Variants in NALCN observed in about 807,000 individuals in gnomAD.
NALCN encodes the protein sodium leak channel NALCN.
NALCN carries 111 observed loss-of-function variants against 225.3 expected under a neutral mutation model. The observed-to-expected ratio is 0.49, with a 90% CI of 0.42 to 0.58. NALCN has a LOEUF of 0.58. NALCN is among the 20% of genes least tolerant of loss of function. NALCN has a pLI of 0.00. For synonymous variants in NALCN, 764 were observed against 769.0 expected, an observed-to-expected ratio of 0.99 and a Z score of 0.11; for missense variants, 1,378 against 2,202.4, an observed-to-expected ratio of 0.63 and a Z score of 7.49.
chr13:101,377,178 T>A, intron 4 of NALCN, 122 bp from the exon 5 acceptor site: 1 of 1,224,742 alleles, frequency 8.2e-7, no homozygotes, highest in Non-Finnish European at 1.1e-6. Context: ...AGCCATACAT[T>A]ATTTTCCACC....
intron 6 of NALCN, chr13:101,372,963 T>A (rs928431835): frequency 2.1e-5 from 5 of 233,372 alleles, no homozygotes; most frequent in South Asian, 4.8e-5. Flanking sequence ...GTACAAATTA[T>A]CAATGTCAGG....
chr13:101,115,007 G>A (rs1355710431), intron 18 of NALCN, among the ~76,000 whole-genome samples: 1 of 152,106 alleles, frequency 6.6e-6, no homozygotes, highest in African/African-American at 2.4e-5. Flanking sequence ...TTATTTCTCA[G>A]CTCTTATCCA....
Position 101,081,525 on chromosome 13 carries a change from A to G in NALCN, c.3885+2T>C. 1 of 1,614,102 alleles carries G rather than the reference A, an allele frequency of 6.2e-7. No individual in the cohort carries two copies. Among genetic ancestry groups the G allele is most frequent in the Non-Finnish European group, 8.5e-7 (1 of 1,179,998 alleles). On this transcript the variant is annotated splice_donor_variant, in intron 34 of 43. Transcript: ENST00000251127. LOFTEE classifies it high-confidence loss of function. ...TGAAATCAACTTGACTTCTATGCTTACCAGGAGGGCAAAGTGAAGCACCAC... is the reference window on the plus strand; with the variant it reads ...TGAAATCAACTTGACTTCTATGCTTGCCAGGAGGGCAAAGTGAAGCACCAC...
intron 15 of NALCN, among the ~76,000 whole-genome samples, chr13:101,146,887 A>C (rs2037374723): frequency 6.6e-6 from 1 of 152,164 alleles, no homozygotes; most frequent in South Asian, 2.1e-4. Context: ...TGGCAGATAT[A>C]GGAACAGAGT....
At position 101,053,898 on chromosome 13, in the gene NALCN, A is replaced by G. The variant is rs1440702601; in HGVS notation, c.*1397T>C. ...GGTTGTTCTTTATCTCATAGTTACAATGAATCATATAAACTGTAGACTGCC... is the reference window on the plus strand; with the variant it reads ...GGTTGTTCTTTATCTCATAGTTACAGTGAATCATATAAACTGTAGACTGCC... On this transcript the variant is annotated 3_prime_UTR_variant, in exon 44 of 44. Coordinates refer to ENST00000251127, the MANE Select transcript of NALCN (RefSeq NM_052867.4). The G allele has an allele frequency of 5.9e-5, 9 of 152,210 alleles. No homozygotes were observed. The highest frequency in any genetic ancestry group is 5.2e-4 in the Admixed American group (8 of 15,290). The allele number at this position is 152,210 out of a possible 1,614,324, so 9.4% of individuals were successfully genotyped here. A position where few individuals can be genotyped will look rare whatever the true frequency, so the allele number is the denominator to read the frequency against.
At chr13:101,176,514 A>ATGT in intron 14 of NALCN, 140 bp from the exon 15 acceptor site, 2 of 447,282 alleles carry the variant, frequency 4.5e-6, no homozygotes, top group Non-Finnish European at 7.4e-6. Context: ...GAATCATTGC[A>ATGT]TAGGCATTTC....
chr13:101,294,063 G>T (rs2043646457), intron 7 of NALCN, among the ~76,000 whole-genome samples: 1 of 152,130 alleles, frequency 6.6e-6, no homozygotes, highest in Admixed American at 6.5e-5. Flanking sequence ...AAAGAAAAGT[G>T]AAGGTCACTG....
intron 13 of NALCN, among the ~76,000 whole-genome samples, chr13:101,203,530 T>C (rs2040205803): frequency 6.6e-6 from 1 of 152,244 alleles, no homozygotes; most frequent in Non-Finnish European, 1.5e-5. Flanking sequence ...AATTCCTGTG[T>C]ATTCTTTATG....
chr13:101,119,540 GT>G lies in NALCN; in HGVS notation c.2192+5067del, dbSNP rs2035871707. Among the ~76,000 whole-genome samples, 2 of 152,126 alleles carry G rather than the reference GT, an allele frequency of 1.3e-5. 1 individual carries two copies. The highest frequency in any genetic ancestry group is 4.1e-4 in the South Asian group (2 of 4,832). On this transcript the variant is annotated intron_variant, in intron 18 of 43. Coordinates refer to ENST00000251127, the MANE Select transcript of NALCN (RefSeq NM_052867.4). ...CTAAACTAATGTAAAATGTTTAATT[GT>G]TTTATTTTAACATTTCTCTATTCAT...
chr13:101,300,097 C>T (rs746758585), intron 7 of NALCN, among the ~76,000 whole-genome samples: 11 of 151,834 alleles, frequency 7.2e-5, no homozygotes, highest in African/African-American at 2.7e-4. Context: ...ACATTTGTCA[C>T]GGTGGCTGGA....
At chr13:101,088,806 C>A (rs569092620) in intron 30 of NALCN, among the ~76,000 whole-genome samples, 50 of 152,332 alleles carry the variant, frequency 3.3e-4, no homozygotes, top group African/African-American at 1.2e-3. Flanking sequence ...CATTTGTGAG[C>A]CTTTGTTCTA....
At chr13:101,326,819 C>T (rs2044969983) in intron 7 of NALCN, among the ~76,000 whole-genome samples, 1 of 152,160 alleles carries the variant, frequency 6.6e-6, no homozygotes, top group Admixed American at 6.5e-5. Context: ...CTGGGTCTAA[C>T]AGGGCCAAAT....
At chr13:101,146,584 G>A (rs1332672799) in intron 15 of NALCN, among the ~76,000 whole-genome samples, 1 of 152,000 alleles carries the variant, frequency 6.6e-6, no homozygotes, top group African/African-American at 2.4e-5. Context: ...TAGAGCAGAA[G>A]TAGAAAAAGC....
chr13:101,256,304 C>T (rs923279371), intron 11 of NALCN, among the ~76,000 whole-genome samples: 6 of 152,080 alleles, frequency 3.9e-5, no homozygotes, highest in Non-Finnish European at 8.8e-5. Flanking sequence ...ACCTTCACTC[C>T]TCCATTCTCC....
At chr13:101,301,268 G>GC (rs2043955522) in intron 7 of NALCN, among the ~76,000 whole-genome samples, 1 of 152,108 alleles carries the variant, frequency 6.6e-6, no homozygotes, top group Non-Finnish European at 1.5e-5. Flanking sequence ...CACTCCCTGC[G>GC]CCCCCTGCGC....
rs761526217 is a variant in NALCN, at chr13:101,110,650, C to T, written c.2333G>A (p.Arg778Lys). The T allele has an allele frequency of 6.2e-7, 1 of 1,614,064 alleles. No homozygotes were observed. The highest frequency in any genetic ancestry group is 8.5e-7 in the Non-Finnish European group (1 of 1,179,960). ...AGTCAAAGTTTCAAGAGATTTTCCC[C>T]TGCTGATCCTCTGGCTGTTTGATCC... ...RHGSNSQRIS[R>K]GKSLETLTQD... is the part of the protein sequence containing the mutation. The change falls in exon 20 of 44, where the codon AGG becomes AAG. Residue 778 changes from arginine (R) to lysine (K), a missense_variant. Physicochemically the swap from Arg to Lys is conservative, Grantham distance 26. Coordinates refer to ENST00000251127, the MANE Select transcript of NALCN (RefSeq NM_052867.4).
chr13:101,190,578 G>A (rs1238669858), intron 14 of NALCN, among the ~76,000 whole-genome samples: 1 of 152,126 alleles, frequency 6.6e-6, no homozygotes, highest in Non-Finnish European at 1.5e-5. Context: ...TGTATAAAAA[G>A]GCCAAAACTA....
intron 37 of NALCN, among the ~76,000 whole-genome samples, 173 bp from the exon 38 acceptor site, chr13:101,069,000 G>T (rs1333804236): frequency 6.6e-6 from 1 of 152,160 alleles, no homozygotes; most frequent in Non-Finnish European, 1.5e-5. Context: ...AAATAAAGAA[G>T]AATATTTCAC....
chr13:101,382,422 AT>A (rs911717343), intron 3 of NALCN, among the ~76,000 whole-genome samples: 26 of 150,068 alleles, frequency 1.7e-4, no homozygotes, highest in South Asian at 4.2e-4. Context: ...TAGCTTTTCA[AT>A]TTTTTTTTTA....
Sources: gnomAD v4.1 joint callset for allele counts (sites outside exome capture counted in the v4.1 genomes callset) on GRCh38, gnomAD v4.1.1 for gene constraint, MANE v1.5 for transcripts, NCBI Gene and HGNC (gene_info 2026-07-23, HGNC 2026-07-21) for gene names.